Variants in PRDM5 observed in about 807,000 individuals in gnomAD.
The protein encoded by PRDM5 is PR domain zinc finger protein 5.
In PRDM5, 56 loss-of-function variants were observed where a neutral mutation model predicts 81.2. The ratio of observed to expected loss-of-function variants is 0.69; its 90% CI spans 0.56 to 0.86. The LOEUF (loss-of-function observed/expected upper bound fraction) is 0.86, where lower values mean the gene tolerates loss of function less well. Ranked by LOEUF, PRDM5 falls within the 40% of genes least tolerant of loss-of-function variation. PRDM5 has a pLI of 0.00. For missense variants in PRDM5, 697 were observed against 770.1 expected (o/e 0.91, Z 1.12); for synonymous variants, 267 against 256.4 (o/e 1.04, Z -0.39).
At chr4:120,750,715 C>CGT (rs1743869148) in intron 14 of PRDM5, among the ~76,000 whole-genome samples, 1 of 141,178 alleles carries the variant, frequency 7.1e-6, no homozygotes, top group African/African-American at 3.1e-5. Context: ...CACACACACA[C>CGT]ACACGCGCAC....
At chr4:120,891,313 T>C (rs1291117533) in intron 2 of PRDM5, among the ~76,000 whole-genome samples, 3 of 152,220 alleles carry the variant, frequency 2.0e-5, no homozygotes, top group Admixed American at 2.0e-4. Flanking sequence ...TTCTAATTTG[T>C]GTGCATAGAG....
At chr4:120,797,936 G>T (rs1240990365) in intron 10 of PRDM5, among the ~76,000 whole-genome samples, 26 of 152,134 alleles carry the variant, frequency 1.7e-4, no homozygotes, top group Admixed American at 1.7e-3. Flanking sequence ...TCCCAAGGAT[G>T]AAGAGAATTT....
intron 2 of PRDM5, among the ~76,000 whole-genome samples, chr4:120,863,311 ACT>A (rs1260437003): frequency 1.3e-5 from 2 of 151,040 alleles, no homozygotes; most frequent in Non-Finnish European, 2.9e-5. Context: ...GTTCCTCCAG[ACT>A]CTGCCTATGC....
chr4:120,783,842 T>A (rs1262670687), intron 11 of PRDM5, among the ~76,000 whole-genome samples: 1 of 152,128 alleles, frequency 6.6e-6, no homozygotes, highest in African/African-American at 2.4e-5. Context: ...TCATTACCAC[T>A]CAATACTTAT....
chr4:120,764,105 G>T lies in PRDM5; in HGVS notation c.1538-9467C>A, dbSNP rs973133398. 2.0e-5 allele frequency among the ~76,000 whole-genome samples: 3 copies of T among 152,032 alleles called. No homozygotes were observed. The South Asian group carries it at 6.2e-4, about 32-fold the overall frequency. On this transcript the variant is annotated intron_variant, in intron 13 of 15. Coordinates refer to ENST00000264808, the MANE Select transcript of PRDM5 (RefSeq NM_018699.4). ...TTTATTTTCCAAAGGAAAAATGTTG[G>T]TGATGCAAGTTTAATAGAGGTATGC... is the stretch of plus-strand genomic sequence containing the variant.
At chr4:120,776,952 A>C (rs2149225908) in intron 13 of PRDM5, among the ~76,000 whole-genome samples, 1 of 152,302 alleles carries the variant, frequency 6.6e-6, no homozygotes, top group South Asian at 2.1e-4. Context: ...TTATATCACA[A>C]CCAAACATTA....
intron 8 of PRDM5, among the ~76,000 whole-genome samples, chr4:120,801,909 T>A (rs1185460425): frequency 6.6e-6 from 1 of 152,312 alleles, no homozygotes; most frequent in East Asian, 1.9e-4. Flanking sequence ...ACAAACAAGA[T>A]ACTCTAAAGA....
intron 2 of PRDM5, among the ~76,000 whole-genome samples, chr4:120,906,850 T>C (rs1395694398): frequency 1.3e-5 from 2 of 152,108 alleles, no homozygotes; most frequent in African/African-American, 2.4e-5. Context: ...AAAAATTAAG[T>C]ATAATTTTAT....
At chr4:120,790,632 GA>G (rs1167731957) in intron 10 of PRDM5, among the ~76,000 whole-genome samples, 2 of 152,126 alleles carry the variant, frequency 1.3e-5, no homozygotes, top group African/African-American at 2.4e-5. Context: ...TTAGTCCTAT[GA>G]AAAAAATCAC....
intron 8 of PRDM5, among the ~76,000 whole-genome samples, chr4:120,802,393 C>T: frequency 6.6e-6 from 1 of 152,196 alleles, no homozygotes; most frequent in East Asian, 1.9e-4. Flanking sequence ...TGAGGCTTGT[C>T]GTACAGTGGG....
chr4:120,689,349 T>C (rs1733951249), downstream of PRDM5, among the ~76,000 whole-genome samples: 1 of 152,132 alleles, frequency 6.6e-6, no homozygotes, highest in African/African-American at 2.4e-5. Flanking sequence ...AGATGGATTT[T>C]ATGCGAGGAG....
chr4:120,838,924 GCA>G, intron 3 of PRDM5: 2 of 437,996 alleles, frequency 4.6e-6, no homozygotes, highest in Non-Finnish European at 8.4e-6. Context: ...TCTGGCCAAT[GCA>G]CAGTCAGATA....
intron 14 of PRDM5, among the ~76,000 whole-genome samples, chr4:120,726,142 C>T (rs1322219032): frequency 6.6e-6 from 1 of 152,094 alleles, no homozygotes; most frequent in Non-Finnish European, 1.5e-5. Flanking sequence ...CAAGTTTTGC[C>T]TCAGGCCAAA....
rs185895250 is a variant in PRDM5, at chr4:120,782,596, A to G, written c.1283-1293T>C. Among the ~76,000 whole-genome samples, 29 of 152,272 alleles carry G rather than the reference A, an allele frequency of 1.9e-4. No individual in the cohort carries two copies. The East Asian group carries it at 5.6e-3, about 29-fold the overall frequency. ...TAATGTCTGAAACAAAGTCACGTCC[A>G]TACAATGCATGAACTATGTGGATTC... On this transcript the variant is annotated intron_variant, in intron 11 of 15. Transcript: ENST00000264808.
intron 14 of PRDM5, among the ~76,000 whole-genome samples, chr4:120,746,692 A>G (rs1156864563): frequency 4.0e-5 from 6 of 148,408 alleles, no homozygotes; most frequent in Non-Finnish European, 7.4e-5. Context: ...AATGCTCATC[A>G]TCACCGGCCA....
At chr4:120,763,891 TA>T (rs1745988970) in intron 13 of PRDM5, among the ~76,000 whole-genome samples, 1 of 148,964 alleles carries the variant, frequency 6.7e-6, no homozygotes, top group Non-Finnish European at 1.5e-5. Context: ...AAGAAACCCA[TA>T]AAATTATTGT....
In PRDM5 at chr4:120,848,273, A is replaced by T. The variant is rs1197607935; in HGVS notation, c.300+5145T>A. ...AAATTAACCTGCTTTGAAAATTGTC[A>T]GTAGTTTCAAAAATATCTAATACCA... On this transcript the variant is annotated intron_variant, in intron 3 of 15. Transcript: ENST00000264808. Among the ~76,000 whole-genome samples the T allele has an allele frequency of 2.6e-5, 4 of 152,226 alleles. No homozygotes were observed. The South Asian group carries it at 6.2e-4, about 24-fold the overall frequency.
chr4:120,894,928 C>T (rs1328197635), intron 2 of PRDM5, among the ~76,000 whole-genome samples: 1 of 152,208 alleles, frequency 6.6e-6, no homozygotes, highest in East Asian at 1.9e-4. Context: ...ATCATTTCTG[C>T]TTCCGCTCCA....
At chr4:120,886,403 C>T (rs1237319724) in intron 2 of PRDM5, among the ~76,000 whole-genome samples, 1 of 152,174 alleles carries the variant, frequency 6.6e-6, no homozygotes, top group Non-Finnish European at 1.5e-5. Context: ...CAGCTGTAAT[C>T]ACATAATAAC....
Sources: gnomAD v4.1 joint callset for allele counts (sites outside exome capture counted in the v4.1 genomes callset) on GRCh38, gnomAD v4.1.1 for gene constraint, MANE v1.5 for transcripts, NCBI Gene and HGNC (gene_info 2026-07-23, HGNC 2026-07-21) for gene names.